The following CDK10 variants were observed in gnomAD, a reference collection of about 807,000 sequenced individuals.
CDK10 encodes cyclin-dependent kinase 10.
Under a neutral mutation model 51.0 loss-of-function variants are expected in CDK10, and 55 were observed. The ratio of observed to expected loss-of-function variants is 1.08; its 90% CI spans 0.87 to 1.35. CDK10 has a LOEUF of 1.35. Among genes scored for constraint, CDK10 ranks in the 40% most tolerant of loss-of-function variants. The probability of loss-of-function intolerance (pLI) is 0.00; values close to 1 mark genes in which losing one functional copy is unlikely to be tolerated. For synonymous variants in CDK10, 255 were observed against 199.1 expected (o/e 1.28, Z -2.36); for missense variants, 589 against 485.1 (o/e 1.21, Z -2.01).
At chr16:89,690,279 G>T in intron 2 of CDK10, 1 of 496,726 alleles carries the variant, frequency 2.0e-6, no homozygotes, top group East Asian at 3.3e-5. Flanking sequence ...AGGACATGGA[G>T]AGCCTGGAGC....
chr16:89,693,326 G>A lies in CDK10; in HGVS notation c.538G>A (p.Ala180Thr). 6.2e-7 allele frequency: 1 copy of A among 1,614,148 alleles called. No individual in the cohort carries two copies. The highest frequency in any genetic ancestry group is 1.1e-5 in the South Asian group (1 of 91,084). The change falls in exon 7 of 13, where the codon GCG becomes ACG. Residue 180 changes from alanine (A) to threonine (T), a missense_variant and splice_region_variant. Transcript: ENST00000353379. Reference sequence around the variant, plus strand: ...GACCGACAAGGGTTGTGTGAAGACAGGTGGGTGCAACTTGGGCCAGGCCCT... The same window carrying A: ...GACCGACAAGGGTTGTGTGAAGACAAGTGGGTGCAACTTGGGCCAGGCCCT... ...LMTDKGCVKT[A>T]DFGLARAYGV...
chr16:89,693,472 G>C lies in CDK10; in HGVS notation c.608+5G>C, dbSNP rs1396196169. On this transcript the variant is annotated splice_donor_5th_base_variant and intron_variant, in intron 8 of 12. Coordinates refer to ENST00000353379, the MANE Select transcript of CDK10 (RefSeq NM_052988.5). ...CCCCAAGGTGGTCACTCTCTGGTAA[G>C]TCCTTCTGAAGCATGGTGGCCCCTG... is the stretch of plus-strand genomic sequence containing the variant. 1 of 1,613,984 alleles carries C rather than the reference G, an allele frequency of 6.2e-7. No homozygotes were observed. The highest frequency in any genetic ancestry group is 1.7e-5 in the Admixed American group (1 of 60,018).
In CDK10 at chr16:89,695,584, T is replaced by C. The variant is rs926132444; in HGVS notation, c.986-11T>C. ...CCTGCCCCGCCCAGCACTGAACCCT[T>C]CTCCCTGCAGCCTGTGAGCCGGAGC... is the stretch of plus-strand genomic sequence containing the variant. On this transcript the variant is annotated splice_polypyrimidine_tract_variant and intron_variant, in intron 12 of 12. Transcript: ENST00000353379. 1.3e-6 allele frequency: 2 copies of C among 1,597,770 alleles called. No homozygotes were observed. The highest frequency in any genetic ancestry group is 1.3e-5 in the African/African-American group (1 of 74,362).
intron 1 of CDK10, 132 bp from the exon 2 acceptor site, chr16:89,689,120 C>G: frequency 2.6e-6 from 2 of 767,166 alleles, no homozygotes; most frequent in South Asian, 3.3e-5. Context: ...AAAAAAAGCC[C>G]AAACGTGTGG....
At chr16:89,693,563 G>A in intron 8 of CDK10, 96 bp downstream of exon 8, 1 of 1,251,456 alleles carries the variant, frequency 8.0e-7, no homozygotes, top group Non-Finnish European at 1.2e-6. Flanking sequence ...CTGGCCTTGG[G>A]AATGTTAAGC....
intron 4 of CDK10, 30 bp downstream of exon 4, chr16:89,691,575 C>A: frequency 1.9e-6 from 3 of 1,558,958 alleles, no homozygotes; most frequent in South Asian, 1.1e-5. Flanking sequence ...GCACATTGGG[C>A]CCTAGGGAGC....
intron 11 of CDK10, 72 bp from the exon 12 acceptor site, chr16:89,695,221 A>G: frequency 6.5e-7 from 1 of 1,549,462 alleles, no homozygotes; most frequent in Non-Finnish European, 8.8e-7. Context: ...TTTGAATCAC[A>G]GGCTGCTCAG....
Position 89,695,761 on chromosome 16 carries a change from C to T in CDK10, c.*69C>T, listed in dbSNP as rs1012559309. The T allele has an allele frequency of 8.8e-6, 14 of 1,587,072 alleles. No homozygotes were observed. The highest frequency in any genetic ancestry group is 5.4e-5 in the African/African-American group (4 of 74,580). ...GATCAGTGGTGTCTGTGAAGGGTGC[C>T]GCGAGCCAGGCTGACCAGGCGCCCG... On this transcript the variant is annotated 3_prime_UTR_variant, in exon 13 of 13. Coordinates refer to ENST00000353379, the MANE Select transcript of CDK10 (RefSeq NM_052988.5).
rs2060462941 is a variant in CDK10, at chr16:89,691,801, T to C, written c.336-5T>C. 2 of 1,613,708 alleles carry C rather than the reference T, an allele frequency of 1.2e-6. No homozygotes were observed. The highest frequency in any genetic ancestry group is 1.7e-6 in the Non-Finnish European group (2 of 1,179,702). On this transcript the variant is annotated splice_region_variant and splice_polypyrimidine_tract_variant and intron_variant, in intron 4 of 12. Coordinates refer to ENST00000353379, the MANE Select transcript of CDK10 (RefSeq NM_052988.5). ...AGAGTGGCATGCATCTTCTGTTTCTTCCAGCATCTTCCTGGTGATGGGTTA... is the reference window on the plus strand; with the variant it reads ...AGAGTGGCATGCATCTTCTGTTTCTCCCAGCATCTTCCTGGTGATGGGTTA...
intron 4 of CDK10, 64 bp downstream of exon 4, chr16:89,691,609 G>A: frequency 7.0e-7 from 1 of 1,421,088 alleles, no homozygotes; most frequent in Non-Finnish European, 9.8e-7. Flanking sequence ...TAGAGGTGTT[G>A]CACAGAGCGA....
chr16:89,693,146 A>G lies in CDK10; in HGVS notation c.486-128A>G, dbSNP rs1597862298. 1.0e-5 allele frequency: 8 copies of G among 778,058 alleles called. No individual in the cohort carries two copies. The East Asian group carries it at 2.1e-4, about 21-fold the overall frequency. The allele number at this position is 778,058 out of a possible 1,614,324, so 48.2% of individuals were successfully genotyped here. On this transcript the variant is annotated intron_variant, in intron 6 of 12. Transcript: ENST00000353379. ...GAGTGAGACTCTGTCTCAAAAAAAA[A>G]AAAAAAAGATACTAAAAAGCCCAAA...
intron 6 of CDK10, 38 bp from the exon 7 acceptor site, chr16:89,693,226 GCCCCTGTGGC>G: frequency 6.3e-7 from 1 of 1,587,522 alleles, no homozygotes; most frequent in Non-Finnish European, 8.6e-7. Context: ...GGAGCTCTCA[GCCCCTGTGGC>G]CCTCTGGGAG....
At chr16:89,694,039 G>A (rs1355211994) in intron 8 of CDK10, 134 bp from the exon 9 acceptor site, 5 of 824,602 alleles carry the variant, frequency 6.1e-6, no homozygotes, top group Non-Finnish European at 8.2e-6. Flanking sequence ...GATCTGCAGG[G>A]CCTGGGGCAG....
rs555842641 is a variant in CDK10 at position 89,695,525 on chromosome 16, A to T, written c.986-70A>T. ...GGGCCAGGTCCAGAGGCAGAGCTGG[A>T]CTCAGACCTGGGCCTGCTCCTCCTA... On this transcript the variant is annotated intron_variant, in intron 12 of 12. Transcript: ENST00000353379. The T allele has an allele frequency of 2.5e-5, 39 of 1,536,714 alleles. No homozygotes were observed. The African/African-American group carries it at 5.1e-4, about 20-fold the overall frequency.
At position 89,692,446 on chromosome 16, in the gene CDK10, CAGGTCA is replaced by C. The variant is rs1214048767; in HGVS notation, c.418_423del (p.Val140_Lys141del). On this transcript the variant is annotated splice_acceptor_variant and coding_sequence_variant, in exon 6 of 13. Coordinates refer to ENST00000353379, the MANE Select transcript of CDK10 (RefSeq NM_052988.5). LOFTEE classifies it high-confidence loss of function. ...TGACTGGTACCTCTGACCCTCTGCA[CAGGTCA>C]AGTGCATCGTGCTGCAGGTGCTCCG... is the stretch of plus-strand genomic sequence containing the variant. 6.3e-7 allele frequency: 1 copy of C among 1,578,328 alleles called. No homozygotes were observed.
intron 9 of CDK10, 108 bp downstream of exon 9, chr16:89,694,340 G>A: frequency 1.7e-6 from 2 of 1,202,232 alleles, no homozygotes; most frequent in South Asian, 1.3e-5. Context: ...AGTGCAGTGG[G>A]GTCTTTGCCA....
In CDK10 at chr16:89,695,755, G is replaced by T. The variant is rs773536265; in HGVS notation, c.*63G>T. The T allele has an allele frequency of 6.3e-7, 1 of 1,589,064 alleles. No homozygotes were observed. Among genetic ancestry groups the T allele is most frequent in the Non-Finnish European group, 8.5e-7 (1 of 1,170,558 alleles). On this transcript the variant is annotated 3_prime_UTR_variant, in exon 13 of 13. Coordinates refer to ENST00000353379, the MANE Select transcript of CDK10 (RefSeq NM_052988.5). The stretch of plus-strand genomic sequence containing the variant: ...TCTTCCGATCAGTGGTGTCTGTGAA[G>T]GGTGCCGCGAGCCAGGCTGACCAGG...
intron 3 of CDK10, among the ~76,000 whole-genome samples, chr16:89,690,897 C>T (rs1207798499): frequency 7.9e-5 from 12 of 152,310 alleles, no homozygotes; most frequent in African/African-American, 2.2e-4. Context: ...CCACCCCCAG[C>T]ACCTGCCTGT....
chr16:89,686,736 A>G lies in CDK10; in HGVS notation c.26A>G (p.Glu9Gly). The G allele has an allele frequency of 6.2e-7, 1 of 1,610,996 alleles. No homozygotes were observed. The highest frequency in any genetic ancestry group is 8.5e-7 in the Non-Finnish European group (1 of 1,178,530). MAEPDLEC[E>G]QIRLKCIRKE... ...ATGGCGGAGCCAGATCTGGAGTGCG[A>G]GCAGATCCGTCTGAAGTGTATTCGT... Residue 9 changes from glutamate (E) to glycine (G), a missense_variant, in exon 1 of 13, where the codon GAG becomes GGG. Physicochemically the swap from Glu to Gly is moderately conservative, Grantham distance 98. Transcript: ENST00000353379.
Sources: gnomAD v4.1 joint callset for allele counts (sites outside exome capture counted in the v4.1 genomes callset) on GRCh38, gnomAD v4.1.1 for gene constraint, MANE v1.5 for transcripts, NCBI Gene and HGNC (gene_info 2026-07-23, HGNC 2026-07-21) for gene names.